The following LRRTM4 variants were observed in gnomAD, a reference collection of about 807,000 sequenced individuals.
LRRTM4 encodes the protein leucine rich repeat transmembrane neuronal 4.
In LRRTM4, 25 loss-of-function variants were observed where a neutral mutation model predicts 47.6. That is an observed-to-expected ratio of 0.53 (90% CI 0.38 to 0.73). LRRTM4 has a LOEUF of 0.73. Among genes scored for constraint, LRRTM4 ranks in the 30% least tolerant of loss-of-function variants. The pLI is 0.00. For missense variants in LRRTM4, 638 were observed against 713.4 expected, an observed-to-expected ratio of 0.89 and a Z score of 1.20; for synonymous variants, 311 against 269.5, an observed-to-expected ratio of 1.15 and a Z score of -1.51.
At chr2:77,047,536 C>G (rs1483889032) in intron 3 of LRRTM4, among the ~76,000 whole-genome samples, 2 of 152,076 alleles carry the variant, frequency 1.3e-5, no homozygotes, top group East Asian at 3.9e-4. Flanking sequence ...TGGCATTCAT[C>G]AGGTTATATA....
chr2:76,809,530 C>T (rs1005989877), intron 3 of LRRTM4, among the ~76,000 whole-genome samples: 1 of 152,144 alleles, frequency 6.6e-6, no homozygotes, highest in Admixed American at 6.5e-5. Flanking sequence ...ACTTCCTACC[C>T]TTCCCCTGCT....
At chr2:77,033,716 C>T (rs1002659907) in intron 3 of LRRTM4, among the ~76,000 whole-genome samples, 29 of 151,830 alleles carry the variant, frequency 1.9e-4, no homozygotes, top group African/African-American at 5.3e-4. Flanking sequence ...TTCATTTATA[C>T]GTCAGTTAAT....
intron 3 of LRRTM4, among the ~76,000 whole-genome samples, chr2:77,298,615 T>C (rs1289634372): frequency 6.6e-6 from 1 of 152,182 alleles, no homozygotes; most frequent in Non-Finnish European, 1.5e-5. Flanking sequence ...ATGTCTAAAA[T>C]TCTAGAGACA....
intron 3 of LRRTM4, among the ~76,000 whole-genome samples, chr2:77,331,325 A>G (rs796843772): frequency 9.2e-5 from 14 of 152,322 alleles, no homozygotes; most frequent in African/African-American, 3.1e-4. Flanking sequence ...CCAGGATTAT[A>G]TATCAATCCA....
intron 3 of LRRTM4, among the ~76,000 whole-genome samples, chr2:77,031,060 G>A (rs1002795222): frequency 3.9e-5 from 6 of 152,030 alleles, no homozygotes; most frequent in African/African-American, 1.4e-4. Flanking sequence ...ATTTTAAATG[G>A]AGAATTTACT....
intron 3 of LRRTM4, among the ~76,000 whole-genome samples, chr2:76,956,801 TTAC>T (rs1161973792): frequency 1.1e-4 from 17 of 150,910 alleles, no homozygotes; most frequent in Non-Finnish European, 2.1e-4. Flanking sequence ...TTTCAAGAGA[TTAC>T]TATGAAAAAT....
chr2:76,837,360 T>C (rs1372641357), intron 3 of LRRTM4, among the ~76,000 whole-genome samples: 1 of 152,084 alleles, frequency 6.6e-6, no homozygotes, highest in Admixed American at 6.6e-5. Flanking sequence ...TTTGAAGGGT[T>C]TTTTTTGTCT....
At chr2:76,942,288 G>A (rs1360864044) in intron 3 of LRRTM4, among the ~76,000 whole-genome samples, 1 of 151,904 alleles carries the variant, frequency 6.6e-6, no homozygotes, top group Non-Finnish European at 1.5e-5. Context: ...AGTTTCTTTT[G>A]CTGTGCAGAA....
intron 3 of LRRTM4, among the ~76,000 whole-genome samples, chr2:77,456,953 AATTATATTAT>A (rs201320498): frequency 7.7e-6 from 1 of 130,452 alleles, no homozygotes; most frequent in East Asian, 2.4e-4. Context: ...ATTAAATTCA[AATTATATTAT>A]ATTATATTAT....
chr2:77,062,845 G>A (rs537716377), intron 3 of LRRTM4, among the ~76,000 whole-genome samples: 221 of 152,252 alleles, frequency 1.5e-3, no homozygotes, highest in Admixed American at 3.9e-3. Context: ...ATGCAGGATA[G>A]TAGAAGTAGG....
chr2:76,970,189 A>T (rs1199956204), intron 3 of LRRTM4, among the ~76,000 whole-genome samples: 1 of 152,032 alleles, frequency 6.6e-6, no homozygotes. Flanking sequence ...TCATAATTTG[A>T]TAATTTTGTA....
intron 3 of LRRTM4, among the ~76,000 whole-genome samples, chr2:76,798,873 C>T (rs1268417497): frequency 6.6e-6 from 1 of 152,184 alleles, no homozygotes; most frequent in Non-Finnish European, 1.5e-5. Flanking sequence ...CATTCGTGGA[C>T]ACATGCACTC....
At chr2:76,928,313 C>T (rs1674654974) in intron 3 of LRRTM4, among the ~76,000 whole-genome samples, 1 of 152,118 alleles carries the variant, frequency 6.6e-6, no homozygotes, top group Non-Finnish European at 1.5e-5. Flanking sequence ...AAAGTGGTAT[C>T]ATGTATAATT....
Position 77,518,595 on chromosome 2 carries a change from A to G in LRRTM4, c.1274T>C (p.Ile425Thr). The G allele has an allele frequency of 6.2e-7, 1 of 1,613,448 alleles. No individual in the cohort carries two copies. Among genetic ancestry groups the G allele is most frequent in the Non-Finnish European group, 8.5e-7 (1 of 1,179,658 alleles). The change falls in exon 3 of 4, where the codon ATT (isoleucine) becomes ACT (threonine). Residue 425 changes from isoleucine to threonine, a missense_variant. Coordinates refer to ENST00000409884, the MANE Select transcript of LRRTM4 (RefSeq NM_001134745.3). ...AAAGAGAGCCACACTCCCGGCAATA[A>G]TTTTGTGAAATGAAACATGCTCATA... ...QEYEHVSFHK[I>T]IAGSVALFLS...
intron 3 of LRRTM4, among the ~76,000 whole-genome samples, chr2:76,901,487 G>A (rs913709931): frequency 6.6e-6 from 1 of 152,032 alleles, no homozygotes; most frequent in Non-Finnish European, 1.5e-5. Flanking sequence ...ACAGAAAAAA[G>A]GGAGAGCAGT....
chr2:77,111,037 A>G (rs2103933911), intron 3 of LRRTM4, among the ~76,000 whole-genome samples: 1 of 152,302 alleles, frequency 6.6e-6, no homozygotes, highest in South Asian at 2.1e-4. Flanking sequence ...TAAACAAGGA[A>G]TTGAGAAGCA....
chr2:77,208,205 G>C (rs1260545443), intron 3 of LRRTM4, among the ~76,000 whole-genome samples: 1 of 152,026 alleles, frequency 6.6e-6, no homozygotes, highest in African/African-American at 2.4e-5. Flanking sequence ...AAGGGGTATA[G>C]AATATAGTGG....
chr2:77,255,417 A>G (rs1284768554), intron 3 of LRRTM4, among the ~76,000 whole-genome samples: 2 of 152,000 alleles, frequency 1.3e-5, no homozygotes, highest in African/African-American at 4.8e-5. Context: ...ATTAAACTAC[A>G]GGATCTACTT....
chr2:76,975,429 ATTTAT>A (rs1399565384), intron 3 of LRRTM4, among the ~76,000 whole-genome samples: 10 of 136,692 alleles, frequency 7.3e-5, no homozygotes, highest in Non-Finnish European at 1.1e-4. Context: ...TTTATTTATT[ATTTAT>A]TTTAAGGAAA....
Sources: allele counts gnomAD v4.1 joint callset (sites outside exome capture counted in the v4.1 genomes callset), GRCh38; gene constraint gnomAD v4.1.1; transcripts MANE v1.5; gene names NCBI Gene and HGNC (gene_info 2026-07-23, HGNC 2026-07-21).